The following CPSF6 variants were observed in gnomAD, a reference collection of about 807,000 sequenced individuals.
The protein encoded by CPSF6 is cleavage and polyadenylation specific factor 6.
A neutral mutation model predicts 56.7 loss-of-function variants in CPSF6; 10 were observed. The observed-to-expected ratio is 0.18, with a 90% CI of 0.11 to 0.30. The LOEUF (loss-of-function observed/expected upper bound fraction) is 0.30, where lower values mean the gene tolerates loss of function less well. CPSF6 is among the 10% of genes least tolerant of loss of function. The pLI is 1.00. For missense variants in CPSF6, 419 were observed against 722.9 expected, an observed-to-expected ratio of 0.58 and a Z score of 4.82; for synonymous variants, 248 against 244.8, an observed-to-expected ratio of 1.01 and a Z score of -0.12.
intron 3 of CPSF6, among the ~76,000 whole-genome samples, chr12:69,253,653 G>A (rs1015867978): frequency 6.6e-6 from 1 of 152,006 alleles, no homozygotes; most frequent in Non-Finnish European, 1.5e-5. Context: ...ACATTTTAGT[G>A]AAGATTCTTT....
At chr12:69,251,597 G>T (rs571259100) in intron 2 of CPSF6, among the ~76,000 whole-genome samples, 1 of 152,170 alleles carries the variant, frequency 6.6e-6, no homozygotes, top group South Asian at 2.1e-4. Flanking sequence ...TTTGTCTTCA[G>T]TTACCTTTTT....
intron 8 of CPSF6, among the ~76,000 whole-genome samples, chr12:69,262,165 ATTTT>A (rs995521996): frequency 6.1e-4 from 93 of 152,148 alleles, no homozygotes; most frequent in African/African-American, 2.0e-3. Context: ...CTGGTTGCTG[ATTTT>A]TTTGTTAATG....
intron 3 of CPSF6, among the ~76,000 whole-genome samples, chr12:69,254,348 A>G (rs570148814): frequency 6.6e-6 from 1 of 152,160 alleles, no homozygotes; most frequent in Non-Finnish European, 1.5e-5. Flanking sequence ...GGCCAGACCA[A>G]TTCCTACCTA....
chr12:69,247,460 G>T (rs1871973900), intron 1 of CPSF6, among the ~76,000 whole-genome samples: 1 of 151,818 alleles, frequency 6.6e-6, no homozygotes, highest in East Asian at 1.9e-4. Flanking sequence ...CAGCAGATAA[G>T]ATTGGGCAAC....
rs1873344731 is a variant in CPSF6, at chr12:69,273,355, T to A, written c.*3847T>A. ...TTGTATGGGACGTATAAATACTTGATTATATACGACAGATTTTAATGTCTT... is the reference window on the plus strand; with the variant it reads ...TTGTATGGGACGTATAAATACTTGAATATATACGACAGATTTTAATGTCTT... On this transcript the variant is annotated 3_prime_UTR_variant, in exon 10 of 10. Transcript: ENST00000435070. The A allele has an allele frequency of 4.2e-6, 1 of 236,490 alleles. No individual in the cohort carries two copies. The highest frequency in any genetic ancestry group is 8.9e-6 in the Non-Finnish European group (1 of 112,830). The allele number at this position is 236,490 out of a possible 1,614,324, so 14.6% of individuals were successfully genotyped here.
At chr12:69,262,594 G>A in intron 9 of CPSF6, 32 bp downstream of exon 9, 1 of 1,576,372 alleles carries the variant, frequency 6.3e-7, no homozygotes, top group Admixed American at 1.9e-5. Context: ...TTAAATGTGT[G>A]TGTATTCTTA....
At chr12:69,246,382 T>C (rs1372903648) in intron 1 of CPSF6, among the ~76,000 whole-genome samples, 1 of 152,198 alleles carries the variant, frequency 6.6e-6, no homozygotes, top group African/African-American at 2.4e-5. Flanking sequence ...TAGGTAGAAT[T>C]GATTCAGAAA....
chr12:69,256,622 C>G, intron 3 of CPSF6, 75 bp from the exon 4 acceptor site: 15 of 1,433,350 alleles, frequency 1.0e-5, no homozygotes, highest in South Asian at 8.3e-5. Context: ...AGATTAAGAC[C>G]TTTTTACAGA....
intron 1 of CPSF6, among the ~76,000 whole-genome samples, chr12:69,247,427 C>T (rs1029988754): frequency 3.3e-5 from 5 of 150,198 alleles, no homozygotes; most frequent in African/African-American, 9.8e-5. Flanking sequence ...CTTTATGTAA[C>T]ATAGCTGGCT....
intron 1 of CPSF6, among the ~76,000 whole-genome samples, chr12:69,242,612 A>G (rs1170216407): frequency 6.6e-6 from 1 of 152,138 alleles, no homozygotes; most frequent in East Asian, 1.9e-4. Flanking sequence ...TTTGGATGTC[A>G]CCAAGCTGAG....
At chr12:69,251,416 A>G (rs1872236332) in intron 2 of CPSF6, 78 bp downstream of exon 2, 2 of 983,792 alleles carry the variant, frequency 2.0e-6, no homozygotes, top group Non-Finnish European at 1.5e-6. Context: ...TTTTCTCCAG[A>G]TTTTTATAAG....
intron 3 of CPSF6, among the ~76,000 whole-genome samples, chr12:69,254,804 C>G (rs1017472732): frequency 6.6e-6 from 1 of 152,154 alleles, no homozygotes; most frequent in East Asian, 1.9e-4. Context: ...TCTTAAGCTA[C>G]TAAGACCCTC....
chr12:69,248,479 T>C (rs548230949), intron 1 of CPSF6, among the ~76,000 whole-genome samples: 2 of 152,308 alleles, frequency 1.3e-5, no homozygotes, highest in South Asian at 2.1e-4. Context: ...GGGAAACTTT[T>C]TAGTATCTTA....
In CPSF6 at chr12:69,239,618, G is replaced by C; in HGVS notation, c.-29G>C. 2 of 1,550,364 alleles carry C rather than the reference G, an allele frequency of 1.3e-6. No homozygotes were observed. Among genetic ancestry groups the C allele is most frequent in the Non-Finnish European group, 1.7e-6 (2 of 1,151,164 alleles). On this transcript the variant is annotated 5_prime_UTR_variant, in exon 1 of 10. Transcript: ENST00000435070. The stretch of plus-strand genomic sequence containing the variant: ...GCGGGCAGACCTGCAGGAGGCGGCG[G>C]CGGCGGCGGCGGCCGAGGCTGAAGG...
At chr12:69,251,401 A>C (rs543644513) in intron 2 of CPSF6, 63 bp downstream of exon 2, 5 of 1,075,414 alleles carry the variant, frequency 4.6e-6, no homozygotes, top group East Asian at 2.7e-5. Flanking sequence ...TCTAGTAATT[A>C]ATGTTTTTCT....
chr12:69,263,240 A>G (rs187364464), intron 9 of CPSF6, among the ~76,000 whole-genome samples: 126 of 152,202 alleles, frequency 8.3e-4, no homozygotes, highest in African/African-American at 2.6e-3. Flanking sequence ...AAAATTTTAA[A>G]TTGTGTCAAG....
At chr12:69,245,772 A>G (rs1871871039) in intron 1 of CPSF6, among the ~76,000 whole-genome samples, 1 of 152,136 alleles carries the variant, frequency 6.6e-6, no homozygotes, top group South Asian at 2.1e-4. Context: ...AAATTTAGTA[A>G]TCTGACCACC....
chr12:69,250,579 C>A (rs1401766582), intron 1 of CPSF6, among the ~76,000 whole-genome samples: 1 of 135,536 alleles, frequency 7.4e-6, no homozygotes, highest in African/African-American at 2.9e-5. Context: ...TGTAGCGAGA[C>A]CTGGTCTCTA....
intron 8 of CPSF6, 91 bp downstream of exon 8, chr12:69,260,288 T>A: frequency 9.9e-7 from 1 of 1,009,786 alleles, no homozygotes; most frequent in East Asian, 2.7e-5. Context: ...GGACTTTGCT[T>A]TTACTTACTG....
Sources: allele counts gnomAD v4.1 joint callset (sites outside exome capture counted in the v4.1 genomes callset), GRCh38; gene constraint gnomAD v4.1.1; transcripts MANE v1.5; gene names NCBI Gene and HGNC (gene_info 2026-07-23, HGNC 2026-07-21).